TMEM266: variants seen among roughly 807,000 people sequenced by gnomAD.
The protein encoded by TMEM266 is transmembrane protein 266.
In TMEM266, 33 loss-of-function variants were observed where a neutral mutation model predicts 50.5. The observed-to-expected ratio is 0.65, with a 90% CI of 0.50 to 0.87. TMEM266 has a LOEUF of 0.87. Among genes scored for constraint, TMEM266 ranks in the 40% least tolerant of loss-of-function variants. The pLI, the probability that TMEM266 is intolerant of heterozygous loss-of-function variation, is 0.00. For synonymous variants in TMEM266, 310 were observed against 292.3 expected (o/e 1.06, Z -0.62); for missense variants, 655 against 695.1 (o/e 0.94, Z 0.65).
At position 76,168,872 on chromosome 15, in the gene TMEM266, T is replaced by G. The variant is rs2038140982; in HGVS notation, c.457-944T>G. 6.6e-6 allele frequency among the ~76,000 whole-genome samples: 1 copy of G among 152,076 alleles called. No homozygotes were observed. The highest frequency in any genetic ancestry group is 2.4e-5 in the African/African-American group (1 of 41,390). On this transcript the variant is annotated intron_variant, in intron 5 of 10. Coordinates refer to ENST00000388942, the MANE Select transcript of TMEM266 (RefSeq NM_152335.3). The surrounding 1 kb of genome is among the most constrained non-coding windows in gnomAD (Gnocchi z 4.4). ...AGCCGGGGAGTGTGCAAGAGCTTCATGGAGGTGACGTTCAAGCCAGAAGGA... is the reference window on the plus strand; with the variant it reads ...AGCCGGGGAGTGTGCAAGAGCTTCAGGGAGGTGACGTTCAAGCCAGAAGGA...
intron 3 of TMEM266, among the ~76,000 whole-genome samples, chr15:76,151,255 C>T (rs1036235198): frequency 2.0e-5 from 3 of 152,226 alleles, no homozygotes; most frequent in Non-Finnish European, 4.4e-5. Flanking sequence ...TCCCCTTTGG[C>T]CCACTAAGCC....
At chr15:76,154,020 C>T (rs2037885239) in intron 3 of TMEM266, among the ~76,000 whole-genome samples, 1 of 152,144 alleles carries the variant, frequency 6.6e-6, no homozygotes, top group African/African-American at 2.4e-5. Context: ...CGCTTTTCCC[C>T]AGCTCATCCT....
At chr15:76,140,079 A>G (rs746089292) in intron 3 of TMEM266, among the ~76,000 whole-genome samples, 22 of 152,206 alleles carry the variant, frequency 1.4e-4, no homozygotes, top group African/African-American at 5.3e-4. Flanking sequence ...AAACAAACGA[A>G]TCCAAATGAA....
intron 1 of TMEM266, among the ~76,000 whole-genome samples, chr15:76,064,419 A>C (rs1427477475): frequency 5.3e-5 from 8 of 152,182 alleles, no homozygotes. Flanking sequence ...TATTGTTTGC[A>C]GTAGTTCTTG....
intron 4 of TMEM266, among the ~76,000 whole-genome samples, chr15:76,157,593 G>A (rs1005987112): frequency 6.6e-6 from 1 of 152,232 alleles, no homozygotes; most frequent in African/African-American, 2.4e-5. Flanking sequence ...GCAGGAGCAG[G>A]TGTCTTGCCT....
chr15:76,150,638 G>A (rs887604728), intron 3 of TMEM266, among the ~76,000 whole-genome samples: 2 of 152,184 alleles, frequency 1.3e-5, no homozygotes, highest in Non-Finnish European at 2.9e-5. Context: ...CAGACCAATT[G>A]CATAGTGGAT....
At position 76,204,112 on chromosome 15, in the gene TMEM266, C is replaced by T. The variant is rs762917837; in HGVS notation, c.1393C>T (p.Arg465Trp). Reference sequence around the variant, plus strand: ...GGCCTTGGACCCAGCCCCCCTCGCCCGGCCCAGCCCAGCGGGCTCGGCCCA... The same window carrying T: ...GGCCTTGGACCCAGCCCCCCTCGCCTGGCCCAGCCCAGCGGGCTCGGCCCA... The change falls in exon 11 of 11, where the codon CGG becomes TGG. Residue 465 changes from arginine (R) to tryptophan (W), a missense_variant. By Grantham distance (101) the Arg-to-Trp change is moderately radical. Transcript: ENST00000388942. The T allele has an allele frequency of 8.1e-5, 130 of 1,612,756 alleles. No homozygotes were observed. The highest frequency in any genetic ancestry group is 1.1e-4 in the Non-Finnish European group (125 of 1,179,544).
At chr15:76,132,141 C>G (rs1340960307) in intron 1 of TMEM266, among the ~76,000 whole-genome samples, 1 of 151,506 alleles carries the variant, frequency 6.6e-6, no homozygotes, top group Non-Finnish European at 1.5e-5. Context: ...TGGAGTCTCG[C>G]TCTGTCGCCT....
At chr15:76,172,697 C>A (rs1474973367) in intron 7 of TMEM266, among the ~76,000 whole-genome samples, 1 of 152,186 alleles carries the variant, frequency 6.6e-6, no homozygotes, top group African/African-American at 2.4e-5. Context: ...CCTCATTTGA[C>A]AGATGGGGAA....
intron 6 of TMEM266, among the ~76,000 whole-genome samples, chr15:76,170,470 C>A (rs2038170299): frequency 6.6e-6 from 1 of 152,234 alleles, no homozygotes; most frequent in Non-Finnish European, 1.5e-5. Context: ...CACGGCCAGG[C>A]TGGGGCAGGC....
intron 1 of TMEM266, among the ~76,000 whole-genome samples, chr15:76,103,085 T>C (rs1034284134): frequency 5.3e-5 from 8 of 151,916 alleles, no homozygotes; most frequent in African/African-American, 1.9e-4. Flanking sequence ...TCTATGGCAG[T>C]AATCGGCCGA....
intron 1 of TMEM266, among the ~76,000 whole-genome samples, chr15:76,082,961 T>C (rs974598529): frequency 6.7e-6 from 1 of 148,924 alleles, no homozygotes; most frequent in African/African-American, 2.5e-5. Context: ...AGAGCAAGAC[T>C]CTGTCTAAAA....
chr15:76,134,722 A>G (rs1304303146), intron 2 of TMEM266, among the ~76,000 whole-genome samples: 1 of 152,158 alleles, frequency 6.6e-6, no homozygotes, highest in Non-Finnish European at 1.5e-5. Context: ...ATTACACCAC[A>G]CTGTCCTGGC....
At chr15:76,167,864 G>A (rs1319058050) in intron 5 of TMEM266, among the ~76,000 whole-genome samples, 1 of 150,356 alleles carries the variant, frequency 6.7e-6, no homozygotes, top group Non-Finnish European at 1.5e-5. Context: ...GGGTCCAAAT[G>A]TTACCTTCAT....
chr15:76,181,035 T>C (rs2469559), intron 8 of TMEM266: 23,752 of 152,250 alleles, frequency 0.16, 2,486 homozygotes, highest in African/African-American at 0.3. Context: ...CTGTGCTACA[T>C]GGCAGTTCAT....
chr15:76,203,723 T>G lies in TMEM266; in HGVS notation c.1022-18T>G. 3 of 1,601,294 alleles carry G rather than the reference T, an allele frequency of 1.9e-6. No homozygotes were observed. The highest frequency in any genetic ancestry group is 3.3e-4 in the Middle Eastern group (2 of 6,000). On this transcript the variant is annotated intron_variant, in intron 10 of 10. Coordinates refer to ENST00000388942, the MANE Select transcript of TMEM266 (RefSeq NM_152335.3). ...GGCAGAGGTTGAAGTGTGACCAAGA[T>G]CCCCTCCTACCTTGCAGACAGCGGT...
In TMEM266 at chr15:76,134,180, G is replaced by T. The variant is rs2037555445; in HGVS notation, c.-84G>T. 1 of 1,471,758 alleles carries T rather than the reference G, an allele frequency of 6.8e-7. No homozygotes were observed. Among genetic ancestry groups the T allele is most frequent in the Admixed American group, 1.7e-5 (1 of 57,354 alleles). 91.2% of individuals were successfully genotyped at this position (1,471,758 alleles called of 1,614,324 possible). A position where few individuals can be genotyped will look rare whatever the true frequency, so the allele number is the denominator to read the frequency against. ...TTTTTGTTTTCAGGGCACTATATTT[G>T]TATGTGTCTTGTAGAACCCACGCTT... On this transcript the variant is annotated 5_prime_UTR_variant, in exon 2 of 11. Coordinates refer to ENST00000388942, the MANE Select transcript of TMEM266 (RefSeq NM_152335.3).
At chr15:76,119,540 G>GC (rs2037308821) in intron 1 of TMEM266, among the ~76,000 whole-genome samples, 1 of 152,104 alleles carries the variant, frequency 6.6e-6, no homozygotes, top group Non-Finnish European at 1.5e-5. Flanking sequence ...GCTGAGGTGG[G>GC]CGGATCACTT....
intron 7 of TMEM266, among the ~76,000 whole-genome samples, chr15:76,173,594 A>T (rs1017060186): frequency 6.6e-6 from 1 of 152,124 alleles, no homozygotes; most frequent in Non-Finnish European, 1.5e-5. Context: ...AGTAACAGAG[A>T]CTCAGAATAA....
Sources: gnomAD v4.1 joint callset for allele counts (sites outside exome capture counted in the v4.1 genomes callset) on GRCh38, gnomAD v4.1.1 for gene constraint, Gnocchi (gnomAD v3.1) non-coding constraint, MANE v1.5 for transcripts, NCBI Gene and HGNC (gene_info 2026-07-23, HGNC 2026-07-21) for gene names.